Variants in TM9SF2 observed in about 807,000 individuals in gnomAD.
TM9SF2 encodes transmembrane 9 superfamily member 2.
Under a neutral mutation model 84.9 loss-of-function variants are expected in TM9SF2, and 13 were observed. The ratio of observed to expected loss-of-function variants is 0.15; its 90% CI spans 0.10 to 0.24. The LOEUF is 0.24. Ranked by LOEUF, TM9SF2 falls within the 10% of genes least tolerant of loss-of-function variation. The pLI is 1.00. For missense variants in TM9SF2, 562 were observed against 818.5 expected (o/e 0.69, Z 3.82); for synonymous variants, 273 against 285.8 (o/e 0.96, Z 0.45).
At chr13:99,506,126 G>C (rs2046087787) in intron 1 of TM9SF2, among the ~76,000 whole-genome samples, 1 of 152,168 alleles carries the variant, frequency 6.6e-6, no homozygotes, top group South Asian at 2.1e-4. Context: ...CATTTTATAA[G>C]TTGTGTTTGT....
chr13:99,514,203 C>T (rs1304253391), intron 1 of TM9SF2: 1 of 152,104 alleles, frequency 6.6e-6, no homozygotes, highest in Non-Finnish European at 1.5e-5. Flanking sequence ...TTTAGCATAG[C>T]CTAAGTTTAC....
chr13:99,534,310 G>C (rs115448071), intron 4 of TM9SF2, among the ~76,000 whole-genome samples: 1 of 152,166 alleles, frequency 6.6e-6, no homozygotes, highest in Non-Finnish European at 1.5e-5. Context: ...ATCCCACCAA[G>C]TTAGCAAAGG....
chr13:99,510,613 T>C (rs779815884), intron 1 of TM9SF2, among the ~76,000 whole-genome samples: 2 of 152,074 alleles, frequency 1.3e-5, no homozygotes, highest in African/African-American at 2.4e-5. Context: ...TGCCACACTT[T>C]ACAAACAACC....
chr13:99,550,858 C>T (rs2046302957), intron 12 of TM9SF2, among the ~76,000 whole-genome samples: 1 of 152,164 alleles, frequency 6.6e-6, no homozygotes, highest in Non-Finnish European at 1.5e-5. Context: ...GATAATAAAA[C>T]ACTAGGGACA....
chr13:99,537,145 A>G lies in TM9SF2; in HGVS notation c.591+408A>G, dbSNP rs560491867. Among the ~76,000 whole-genome samples the G allele has an allele frequency of 9.8e-5, 15 of 152,306 alleles. No homozygotes were observed. In the East Asian group the frequency reaches 2.7e-3, roughly 27 times the overall value. Reference sequence around the variant, plus strand: ...TATGTGTCTTTGAGGCCATTATTATATTTAAAAATAGATTAATCAAATAGA... The same window carrying G: ...TATGTGTCTTTGAGGCCATTATTATGTTTAAAAATAGATTAATCAAATAGA... On this transcript the variant is annotated intron_variant, in intron 5 of 16. Transcript: ENST00000376387.
chr13:99,537,880 T>C lies in TM9SF2; in HGVS notation c.716+17T>C, dbSNP rs774116210. The C allele has an allele frequency of 3.8e-6, 6 of 1,596,432 alleles. No individual in the cohort carries two copies. The highest frequency in any genetic ancestry group is 1.8e-5 in the Admixed American group (1 of 55,416). On this transcript the variant is annotated intron_variant, in intron 6 of 16. Coordinates refer to ENST00000376387, the MANE Select transcript of TM9SF2 (RefSeq NM_004800.3). ...ACCGAAAAGGTAATTATATTAATGA[T>C]AAAAAGTAAACAAGTATAAGTGAAA...
In TM9SF2 at chr13:99,543,856, C is replaced by CT; in HGVS notation, c.1018-3dup. 8 of 1,613,608 alleles carry CT rather than the reference C, an allele frequency of 5.0e-6. No homozygotes were observed. The highest frequency in any genetic ancestry group is 6.8e-6 in the Non-Finnish European group (8 of 1,179,762). On this transcript the variant is annotated splice_region_variant and splice_polypyrimidine_tract_variant and intron_variant, in intron 9 of 16. Coordinates refer to ENST00000376387, the MANE Select transcript of TM9SF2 (RefSeq NM_004800.3). ...AGACAATCGAACTGATTTCATTCCC[C>CT]TTTTAGGAAGATGCCCAGGAAGAAT... is the stretch of plus-strand genomic sequence containing the variant.
chr13:99,539,738 AAATGAG>A (rs1274199999), intron 7 of TM9SF2, among the ~76,000 whole-genome samples, 181 bp downstream of exon 7: 2 of 152,240 alleles, frequency 1.3e-5, no homozygotes, highest in African/African-American at 2.4e-5. Context: ...GTCTTAGTTT[AAATGAG>A]AATATAGAGG....
chr13:99,509,114 C>G (rs2046102381), intron 1 of TM9SF2, among the ~76,000 whole-genome samples: 1 of 152,204 alleles, frequency 6.6e-6, no homozygotes, highest in African/African-American at 2.4e-5. Context: ...TTCCAAGACA[C>G]AAAGGGGCTA....
intron 16 of TM9SF2, among the ~76,000 whole-genome samples, chr13:99,560,842 C>T (rs1173752723): frequency 9.2e-5 from 14 of 152,186 alleles, no homozygotes; most frequent in South Asian, 4.1e-4. Flanking sequence ...CCACTGCGCC[C>T]GGCTAATTTT....
In TM9SF2 at chr13:99,511,709, G is replaced by T. The variant is rs998164419; in HGVS notation, c.172-5905G>T. On this transcript the variant is annotated intron_variant, in intron 1 of 16. Transcript: ENST00000376387. ...TGAACTGAATATTCAAGCTGTGTTTGATTACTTTGCTGAACATCAAAAATA... is the reference window on the plus strand; with the variant it reads ...TGAACTGAATATTCAAGCTGTGTTTTATTACTTTGCTGAACATCAAAAATA... Among the ~76,000 whole-genome samples, 76 of 152,142 alleles carry T rather than the reference G, an allele frequency of 5.0e-4. 1 individual carries two copies. Among genetic ancestry groups the T allele is most frequent in the African/African-American group, 1.8e-3 (74 of 41,428 alleles).
At chr13:99,514,859 A>T (rs923810877) in intron 1 of TM9SF2, among the ~76,000 whole-genome samples, 2 of 152,232 alleles carry the variant, frequency 1.3e-5, no homozygotes, top group African/African-American at 4.8e-5. Flanking sequence ...ATGTAATAGT[A>T]AATACGGTAC....
At chr13:99,504,581 T>C (rs1222864969) in intron 1 of TM9SF2, among the ~76,000 whole-genome samples, 2 of 152,204 alleles carry the variant, frequency 1.3e-5, no homozygotes, top group Non-Finnish European at 2.9e-5. Flanking sequence ...AGGATGTAAA[T>C]TGAGAGAGAA....
intron 15 of TM9SF2, among the ~76,000 whole-genome samples, chr13:99,557,336 G>A (rs540068404): frequency 6.6e-6 from 1 of 152,270 alleles, no homozygotes; most frequent in South Asian, 2.1e-4. Context: ...CTTCTTTGGA[G>A]AAATAGCTAT....
chr13:99,517,385 A>G (rs950461862), intron 1 of TM9SF2, among the ~76,000 whole-genome samples: 1 of 152,158 alleles, frequency 6.6e-6, no homozygotes, highest in South Asian at 2.1e-4. Context: ...TCAGCCTCCT[A>G]AGGGGCTGGC....
At chr13:99,553,953 C>T (rs1032663640) in intron 13 of TM9SF2, among the ~76,000 whole-genome samples, 1 of 152,204 alleles carries the variant, frequency 6.6e-6, no homozygotes, top group Non-Finnish European at 1.5e-5. Context: ...TGATTTCTTA[C>T]AGTACATGTG....
intron 14 of TM9SF2, 77 bp from the exon 15 acceptor site, chr13:99,555,459 A>G (rs919621886): frequency 3.6e-6 from 4 of 1,111,642 alleles, no homozygotes; most frequent in Middle Eastern, 2.7e-4. Flanking sequence ...TCAGTTCAAG[A>G]AGAATGAAAA....
At position 99,517,026 on chromosome 13, in the gene TM9SF2, T is replaced by C. The variant is rs901598984; in HGVS notation, c.172-588T>C. 2.0e-5 allele frequency among the ~76,000 whole-genome samples: 3 copies of C among 152,294 alleles called. No homozygotes were observed. The South Asian group carries it at 6.2e-4, about 32-fold the overall frequency. On this transcript the variant is annotated intron_variant, in intron 1 of 16. Coordinates refer to ENST00000376387, the MANE Select transcript of TM9SF2 (RefSeq NM_004800.3). ...ATAAATGCTTTTAGTTAAAATATCT[T>C]ATTAATTTTTTAGAAAATTTAGAAA... is the stretch of plus-strand genomic sequence containing the variant.
intron 1 of TM9SF2, among the ~76,000 whole-genome samples, chr13:99,504,951 G>A (rs1248822099): frequency 6.6e-6 from 1 of 152,116 alleles, no homozygotes; most frequent in African/African-American, 2.4e-5. Flanking sequence ...TTGCTACAGT[G>A]TATTTAGCAG....
Sources: allele counts gnomAD v4.1 joint callset (sites outside exome capture counted in the v4.1 genomes callset), GRCh38; gene constraint gnomAD v4.1.1; transcripts MANE v1.5; gene names NCBI Gene and HGNC (gene_info 2026-07-23, HGNC 2026-07-21).